UGCG: variants seen among roughly 807,000 people sequenced by gnomAD.
UGCG encodes ceramide glucosyltransferase.
In UGCG, 10 loss-of-function variants were observed where a neutral mutation model predicts 49.5. The observed-to-expected ratio is 0.20, with a 90% confidence interval of 0.12 to 0.34. UGCG has a LOEUF of 0.34. Ranked by LOEUF, UGCG falls within the 10% of genes least tolerant of loss-of-function variation. The pLI is 1.00. For synonymous variants in UGCG, 182 were observed against 158.2 expected (o/e 1.15, Z -1.13); for missense variants, 312 against 483.7 (o/e 0.65, Z 3.33).
chr9:111,927,162 C>T (rs899250297), intron 5 of UGCG, among the ~76,000 whole-genome samples: 7 of 152,028 alleles, frequency 4.6e-5, no homozygotes, highest in South Asian at 2.1e-4. Context: ...TGAGCCACTG[C>T]GCCCAGCCCT....
Position 111,934,328 on chromosome 9 carries a change from C to G in UGCG, c.*1331C>G, listed in dbSNP as rs1838477898. Reference sequence around the variant, plus strand: ...CAGGTTGTGCTTAACTTGTGGTGAACTGGACTTGATTCTGTTTTGTTTTGT... The same window carrying G: ...CAGGTTGTGCTTAACTTGTGGTGAAGTGGACTTGATTCTGTTTTGTTTTGT... On this transcript the variant is annotated 3_prime_UTR_variant, in exon 9 of 9. Transcript: ENST00000374279. 6.6e-6 allele frequency: 1 copy of G among 151,206 alleles called. No homozygotes were observed. 9.4% of individuals were successfully genotyped at this position (151,206 alleles called of 1,614,324 possible).
rs1589513385 is a variant in UGCG at position 111,896,879 on chromosome 9, G to A, written c.-337G>A. On this transcript the variant is annotated 5_prime_UTR_variant, in exon 1 of 9. Coordinates refer to ENST00000374279, the MANE Select transcript of UGCG (RefSeq NM_003358.3). Reference sequence around the variant, plus strand: ...CCCGGCGGCGAGACGGAGAGGCGGCGGAGGTGCCCGCGCGCAGGGTCTGGT... The same window carrying A: ...CCCGGCGGCGAGACGGAGAGGCGGCAGAGGTGCCCGCGCGCAGGGTCTGGT... The A allele has an allele frequency of 6.4e-6, 1 of 156,262 alleles. No individual in the cohort carries two copies. The highest frequency in any genetic ancestry group is 1.9e-4 in the East Asian group (1 of 5,338). The allele number at this position is 156,262 out of a possible 1,614,324, so 9.7% of individuals were successfully genotyped here.
chr9:111,913,784 C>T (rs1425333862), intron 1 of UGCG, among the ~76,000 whole-genome samples: 1 of 152,014 alleles, frequency 6.6e-6, no homozygotes, highest in African/African-American at 2.4e-5. Context: ...GCTGCAGCAT[C>T]CTTGCAATGG....
chr9:111,922,790 T>A (rs1838249622), intron 2 of UGCG, 59 bp from the exon 3 acceptor site: 6 of 1,244,298 alleles, frequency 4.8e-6, no homozygotes, highest in Non-Finnish European at 6.8e-6. Context: ...AATCAATACA[T>A]GCTAGTAAGT....
intron 2 of UGCG, among the ~76,000 whole-genome samples, chr9:111,918,954 A>AC (rs1554735151): frequency 1.3e-5 from 2 of 151,444 alleles, no homozygotes; most frequent in African/African-American, 4.9e-5. Flanking sequence ...CAAAAAAACA[A>AC]AAAAAAACAC....
chr9:111,898,167 A>G (rs928627575), intron 1 of UGCG, among the ~76,000 whole-genome samples: 2 of 151,708 alleles, frequency 1.3e-5, no homozygotes, highest in Non-Finnish European at 2.9e-5. Context: ...GCGTGAATAG[A>G]GACATGGGTT....
intron 3 of UGCG, 65 bp from the exon 4 acceptor site, chr9:111,924,712 C>T (rs1179216342): frequency 6.3e-6 from 5 of 790,772 alleles, no homozygotes; most frequent in Non-Finnish European, 9.5e-6. Flanking sequence ...TATCATGTAT[C>T]TTTATACTAT....
chr9:111,929,757 T>C, intron 6 of UGCG, 79 bp downstream of exon 6: 3 of 1,493,006 alleles, frequency 2.0e-6, no homozygotes, highest in East Asian at 4.6e-5. Flanking sequence ...ACCTATAGAT[T>C]AGGGCTTTTT....
At chr9:111,914,938 C>T (rs1838086315) in intron 2 of UGCG, 192 bp downstream of exon 2, 1 of 698,546 alleles carries the variant, frequency 1.4e-6, no homozygotes. Flanking sequence ...TGTAAATTCC[C>T]TTTCTAACCA....
chr9:111,921,571 A>G (rs1469689313), intron 2 of UGCG, among the ~76,000 whole-genome samples: 2 of 151,692 alleles, frequency 1.3e-5, no homozygotes, highest in African/African-American at 4.8e-5. Context: ...GAATCGATTG[A>G]ACCTGGGAGG....
chr9:111,925,655 T>A (rs1172362696), intron 4 of UGCG, among the ~76,000 whole-genome samples: 1 of 152,242 alleles, frequency 6.6e-6, no homozygotes, highest in South Asian at 2.1e-4. Context: ...ACAACTTTTC[T>A]TTATACGGTA....
At chr9:111,908,343 T>G (rs1486708232) in intron 1 of UGCG, among the ~76,000 whole-genome samples, 1 of 152,236 alleles carries the variant, frequency 6.6e-6, no homozygotes, top group African/African-American at 2.4e-5. Context: ...AGATACATCC[T>G]ATGGGATTCC....
rs186872953 is a variant in UGCG at position 111,922,253 on chromosome 9, G to A, written c.241-596G>A. Among the ~76,000 whole-genome samples, 24 of 152,242 alleles carry A rather than the reference G, an allele frequency of 1.6e-4. No homozygotes were observed. In the East Asian group the frequency reaches 4.6e-3, roughly 29 times the overall value. Reference sequence around the variant, plus strand: ...AAGGCTAAGCATGCATTTCAAGATCGTAAATGTCCATTCAAATCAAATTCT... The same window carrying A: ...AAGGCTAAGCATGCATTTCAAGATCATAAATGTCCATTCAAATCAAATTCT... On this transcript the variant is annotated intron_variant, in intron 2 of 8. Coordinates refer to ENST00000374279, the MANE Select transcript of UGCG (RefSeq NM_003358.3).
chr9:111,924,637 T>G (rs1238563830), intron 3 of UGCG, 140 bp from the exon 4 acceptor site: 1 of 321,502 alleles, frequency 3.1e-6, no homozygotes, highest in East Asian at 6.3e-5. Flanking sequence ...TTATTATGAA[T>G]AATAGAGAAT....
intron 1 of UGCG, among the ~76,000 whole-genome samples, chr9:111,909,782 A>C (rs1589520202): frequency 6.6e-6 from 1 of 152,332 alleles, no homozygotes; most frequent in African/African-American, 2.4e-5. Flanking sequence ...AGTAATTTGT[A>C]CCACATGGCT....
intron 2 of UGCG, among the ~76,000 whole-genome samples, chr9:111,918,030 A>T (rs1189479525): frequency 6.6e-6 from 1 of 151,774 alleles, no homozygotes; most frequent in Admixed American, 6.6e-5. Flanking sequence ...TCTTTTTTGC[A>T]ATTATAGAAT....
chr9:111,915,722 G>A, intron 2 of UGCG: 1 of 928,146 alleles, frequency 1.1e-6, no homozygotes. Flanking sequence ...ACTTCTTATG[G>A]TGACTGGTTT....
chr9:111,914,083 G>A (rs1838067819), intron 1 of UGCG, among the ~76,000 whole-genome samples: 1 of 152,138 alleles, frequency 6.6e-6, no homozygotes, highest in Non-Finnish European at 1.5e-5. Context: ...ATTTTCTGCT[G>A]CAGACGGTGT....
intron 1 of UGCG, among the ~76,000 whole-genome samples, chr9:111,903,269 T>C (rs142916697): frequency 1.3e-4 from 20 of 152,272 alleles, no homozygotes; most frequent in Non-Finnish European, 1.5e-4. Flanking sequence ...AAGAAGTTAT[T>C]TAAAAATGAG....
Sources: gnomAD v4.1 joint callset for allele counts (sites outside exome capture counted in the v4.1 genomes callset) on GRCh38, gnomAD v4.1.1 for gene constraint, MANE v1.5 for transcripts, NCBI Gene and HGNC (gene_info 2026-07-23, HGNC 2026-07-21) for gene names.